The following EFCAB6 variants were observed in gnomAD, a reference collection of about 807,000 sequenced individuals.
The protein encoded by EFCAB6 is EF-hand calcium-binding domain-containing protein 6.
Under a neutral mutation model 169.8 loss-of-function variants are expected in EFCAB6, and 156 were observed. That is an observed-to-expected ratio of 0.92 (90% CI 0.81 to 1.05). EFCAB6 has a LOEUF of 1.05. EFCAB6 is among the 50% of genes least tolerant of loss of function. The pLI is 0.00. For missense variants in EFCAB6, 1,800 were observed against 1,829.1 expected (o/e 0.98, Z 0.29); for synonymous variants, 698 against 676.4 (o/e 1.03, Z -0.50).
chr22:43,742,046 A>C (rs1203553068), intron 6 of EFCAB6, among the ~76,000 whole-genome samples: 1 of 152,022 alleles, frequency 6.6e-6, no homozygotes, highest in African/African-American at 2.4e-5. Flanking sequence ...GCCTCCTCCA[A>C]ACCAGCATGC....
intron 2 of EFCAB6, among the ~76,000 whole-genome samples, chr22:43,784,676 T>TACACACACAC: frequency 1.6e-5 from 1 of 63,134 alleles, no homozygotes; most frequent in African/African-American, 5.5e-5. Flanking sequence ...TATACATATA[T>TACACACACAC]ACACACACAC....
chr22:43,799,329 C>CCACACACACACA (rs112231545), intron 2 of EFCAB6, among the ~76,000 whole-genome samples: 1,916 of 146,606 alleles, frequency 0.013, 21 homozygotes, highest in African/African-American at 0.026. Flanking sequence ...GAATCTGTCT[C>CCACACACACACA]CACACACACA....
chr22:43,572,224 T>C lies in EFCAB6; in HGVS notation c.3420+4073A>G, dbSNP rs957394165. ...GCTTCTGGAGGTGAAGGCAACTCTT[T>C]GTGATGCGAACTGGGCAGAACTAAC... is the stretch of plus-strand genomic sequence containing the variant. On this transcript the variant is annotated intron_variant, in intron 26 of 31. Transcript: ENST00000262726. This position sits in a 1 kb window ranked among gnomAD's most constrained non-coding sequence, Gnocchi z 4.0. 9.2e-5 allele frequency among the ~76,000 whole-genome samples: 14 copies of C among 152,140 alleles called. No homozygotes were observed. Among genetic ancestry groups the C allele is most frequent in the African/African-American group, 3.4e-4 (14 of 41,420 alleles).
At chr22:43,638,501 T>C (rs993273540) in intron 17 of EFCAB6, among the ~76,000 whole-genome samples, 1 of 152,174 alleles carries the variant, frequency 6.6e-6, no homozygotes, top group African/African-American at 2.4e-5. Flanking sequence ...GAACCGTTGC[T>C]GGGCCCTCTC....
chr22:43,685,508 G>A (rs1225773475), intron 11 of EFCAB6, among the ~76,000 whole-genome samples: 4 of 152,194 alleles, frequency 2.6e-5, no homozygotes, highest in Non-Finnish European at 4.4e-5. Context: ...GCCTTAGTGT[G>A]TGAGCATTGT....
At chr22:43,720,548 TA>T (rs2059486627) in intron 8 of EFCAB6, among the ~76,000 whole-genome samples, 1 of 147,864 alleles carries the variant, frequency 6.8e-6, no homozygotes, top group African/African-American at 2.5e-5. Context: ...AAGACTAAAC[TA>T]AAAGAAACAC....
intron 2 of EFCAB6, among the ~76,000 whole-genome samples, chr22:43,784,670 C>CAT (rs201662478): frequency 0.035 from 1,921 of 55,480 alleles, 123 homozygotes; most frequent in African/African-American, 0.048. Flanking sequence ...TATACATATA[C>CAT]ATATATACAC....
intron 8 of EFCAB6, among the ~76,000 whole-genome samples, chr22:43,719,368 C>A (rs1050811573): frequency 6.6e-6 from 1 of 152,214 alleles, no homozygotes; most frequent in Non-Finnish European, 1.5e-5. Flanking sequence ...ATGTTCACTG[C>A]AGGCGAAAGG....
chr22:43,530,584 G>A (rs548160917), intron 31 of EFCAB6: 2 of 985,432 alleles, frequency 2.0e-6, no homozygotes, highest in East Asian at 2.3e-4. Context: ...GCAGGTATGG[G>A]GCATCCACGC....
chr22:43,561,773 T>C (rs958139969), intron 26 of EFCAB6, among the ~76,000 whole-genome samples: 7 of 152,242 alleles, frequency 4.6e-5, no homozygotes, highest in Admixed American at 1.3e-4. Flanking sequence ...TCATTATATC[T>C]GAATGGGGGA....
chr22:43,650,058 T>C (rs1873030554), intron 17 of EFCAB6, among the ~76,000 whole-genome samples: 1 of 152,174 alleles, frequency 6.6e-6, no homozygotes, highest in Non-Finnish European at 1.5e-5. Flanking sequence ...GGCAGAAGAC[T>C]AAGTAGGCAG....
At position 43,554,879 on chromosome 22, in the gene EFCAB6, G is replaced by A. The variant is rs140388617; in HGVS notation, c.3638C>T (p.Thr1213Met). The stretch of plus-strand genomic sequence containing the variant: ...ACTGGCGTTTCTTACCTGTTCGTCC[G>A]TCAGGATTTGGACGCGGCGATTACA... ...AICNRRVQIL[T>M]DEQFDRLWNE... is the part of the protein sequence containing the mutation. The change falls in exon 27 of 32, where the codon ACG (threonine) becomes ATG (methionine). Residue 1213 changes from threonine to methionine, a missense_variant. By Grantham distance (81) the Thr-to-Met change is moderately conservative. Transcript: ENST00000262726. 245 of 1,614,132 alleles carry A rather than the reference G, an allele frequency of 1.5e-4. No homozygotes were observed. The African/African-American group carries it at 2.1e-3, about 14-fold the overall frequency.
intron 20 of EFCAB6, among the ~76,000 whole-genome samples, chr22:43,617,760 C>T (rs2053793926): frequency 6.6e-6 from 1 of 152,044 alleles, no homozygotes; most frequent in Non-Finnish European, 1.5e-5. Context: ...GTCCACATTC[C>T]CAAGGAGCTT....
At chr22:43,626,921 G>A (rs762869196) in intron 19 of EFCAB6, among the ~76,000 whole-genome samples, 2 of 152,180 alleles carry the variant, frequency 1.3e-5, no homozygotes, top group Non-Finnish European at 2.9e-5. Flanking sequence ...AATGCAAAGA[G>A]TTCAGGGAAA....
chr22:43,553,443 T>C (rs576844675), intron 27 of EFCAB6: 1 of 152,422 alleles, frequency 6.6e-6, no homozygotes, highest in African/African-American at 2.4e-5. Flanking sequence ...CTTCTGTAAC[T>C]GGATCAGTGG....
At chr22:43,592,423 A>C (rs185030007) in intron 23 of EFCAB6, among the ~76,000 whole-genome samples, 1 of 152,348 alleles carries the variant, frequency 6.6e-6, no homozygotes, top group Admixed American at 6.5e-5. Context: ...ATCCTTCAAA[A>C]TGAAAGCAAA....
At position 43,738,970 on chromosome 22, in the gene EFCAB6, C is replaced by G. The variant is rs545727201; in HGVS notation, c.508-2977G>C. Among the ~76,000 whole-genome samples the G allele has an allele frequency of 2.0e-5, 3 of 152,252 alleles. No homozygotes were observed. In the East Asian group the frequency reaches 5.8e-4, roughly 29 times the overall value. On this transcript the variant is annotated intron_variant, in intron 6 of 31. Coordinates refer to ENST00000262726, the MANE Select transcript of EFCAB6 (RefSeq NM_022785.4). ...GATGCACATGACCCTGACCCTGTCC[C>G]CAGGCAAGGAAGTGCTCCTGCCCGT...
intron 2 of EFCAB6, among the ~76,000 whole-genome samples, chr22:43,789,847 T>TCACACACACACACACACACACACACA (rs34752280): frequency 7.0e-6 from 1 of 143,302 alleles, no homozygotes; most frequent in Non-Finnish European, 1.5e-5. Context: ...TGGCTAACCT[T>TCACACACACACACACACACACACACA]CACACACACA....
chr22:43,705,938 A>G (rs4823130), intron 10 of EFCAB6, among the ~76,000 whole-genome samples: 2,149 of 152,290 alleles, frequency 0.014, 104 homozygotes, highest in East Asian at 0.14. Context: ...ATCAATGAAG[A>G]TAAGGGTTGG....
Sources: allele counts gnomAD v4.1 joint callset (sites outside exome capture counted in the v4.1 genomes callset), GRCh38; gene constraint gnomAD v4.1.1; non-coding constraint Gnocchi (gnomAD v3.1); transcripts MANE v1.5; gene names NCBI Gene and HGNC (gene_info 2026-07-23, HGNC 2026-07-21).